THSD7A: variants seen among roughly 807,000 people sequenced by gnomAD.
THSD7A encodes the protein thrombospondin type 1 domain containing 7A, also known as thrombospondin type-1 domain-containing protein 7A.
In THSD7A, 96 loss-of-function variants were observed where a neutral mutation model predicts 231.3. That is an observed-to-expected ratio of 0.41 (90% CI 0.35 to 0.49). THSD7A has a LOEUF of 0.49. Ranked by LOEUF, THSD7A falls within the 20% of genes least tolerant of loss-of-function variation. The pLI is 0.05. For synonymous variants in THSD7A, 940 were observed against 743.3 expected (o/e 1.26, Z -4.30); for missense variants, 2,290 against 2,070.2 (o/e 1.11, Z -2.06).
Position 11,417,601 on chromosome 7 carries a change from C to T in THSD7A, c.3386G>A (p.Cys1129Tyr), listed in dbSNP as rs1784005005. ...GEGVQTRKVR[C>Y]MQNTADGPSE... Reference sequence around the variant, plus strand: ...AGGGCCATCTGCTGTATTCTGCATGCATCTAGAAAAGAACATAAACATATT... The same window carrying T: ...AGGGCCATCTGCTGTATTCTGCATGTATCTAGAAAAGAACATAAACATATT... Residue 1129 changes from cysteine to tyrosine, a missense_variant and splice_region_variant, in exon 17 of 28, where the codon TGC (cysteine) becomes TAC (tyrosine). Transcript: ENST00000423059. 6.3e-7 allele frequency: 1 copy of T among 1,595,920 alleles called. No individual in the cohort carries two copies. The highest frequency in any genetic ancestry group is 8.5e-7 in the Non-Finnish European group (1 of 1,175,416).
chr7:11,721,029 T>C (rs142626666), intron 1 of THSD7A, among the ~76,000 whole-genome samples: 142 of 151,998 alleles, frequency 9.3e-4, no homozygotes, highest in African/African-American at 3.2e-3. Flanking sequence ...CATTTGTTTA[T>C]TAATTACACA....
intron 4 of THSD7A, among the ~76,000 whole-genome samples, chr7:11,561,532 C>T (rs1790075591): frequency 6.6e-6 from 1 of 152,134 alleles, no homozygotes; most frequent in Non-Finnish European, 1.5e-5. Flanking sequence ...TTAGTCCTCA[C>T]AGAAATCTCA....
chr7:11,426,096 AG>A (rs1388140589), intron 15 of THSD7A, among the ~76,000 whole-genome samples: 4 of 151,686 alleles, frequency 2.6e-5, no homozygotes, highest in Non-Finnish European at 5.9e-5. Flanking sequence ...GCACTGTTGG[AG>A]TCAAATTCTG....
intron 1 of THSD7A, among the ~76,000 whole-genome samples, chr7:11,678,647 G>C (rs1018715304): frequency 6.6e-6 from 1 of 152,084 alleles, no homozygotes; most frequent in African/African-American, 2.4e-5. Flanking sequence ...ACTAAACCAG[G>C]AAGAAGTTGA....
At chr7:11,475,131 G>A (rs1476980403) in intron 7 of THSD7A, among the ~76,000 whole-genome samples, 1 of 151,976 alleles carries the variant, frequency 6.6e-6, no homozygotes, top group Non-Finnish European at 1.5e-5. Context: ...AAAGTAATTG[G>A]CAACAAGAAT....
chr7:11,655,649 A>G (rs191301426), intron 1 of THSD7A, among the ~76,000 whole-genome samples: 121 of 152,038 alleles, frequency 8.0e-4, no homozygotes, highest in Non-Finnish European at 1.5e-3. Flanking sequence ...GTAGACAAAC[A>G]GTAAATACAT....
chr7:11,538,126 A>G (rs1044397748), intron 6 of THSD7A, among the ~76,000 whole-genome samples: 12 of 152,208 alleles, frequency 7.9e-5, no homozygotes, highest in African/African-American at 2.9e-4. Flanking sequence ...TGAGTTGCCT[A>G]TGCCCATGTC....
intron 1 of THSD7A, among the ~76,000 whole-genome samples, chr7:11,721,705 C>T (rs1038657479): frequency 6.6e-6 from 1 of 151,860 alleles, no homozygotes; most frequent in African/African-American, 2.4e-5. Flanking sequence ...ATTCATTCAT[C>T]CTTGCCTCTC....
At chr7:11,824,946 T>C (rs772878167) in intron 1 of THSD7A, among the ~76,000 whole-genome samples, 1 of 152,162 alleles carries the variant, frequency 6.6e-6, no homozygotes, top group Non-Finnish European at 1.5e-5. Flanking sequence ...ATTTACATAA[T>C]TAACCCTAAA....
At chr7:11,657,363 A>G (rs558088512) in intron 1 of THSD7A, among the ~76,000 whole-genome samples, 4 of 151,946 alleles carry the variant, frequency 2.6e-5, no homozygotes, top group African/African-American at 9.6e-5. Context: ...GGAAGGATAT[A>G]AACAAAAACA....
At chr7:11,683,190 C>G (rs935855092) in intron 1 of THSD7A, among the ~76,000 whole-genome samples, 7 of 150,388 alleles carry the variant, frequency 4.7e-5, no homozygotes, top group Admixed American at 2.0e-4. Context: ...GAATAGAAAT[C>G]AATATCATCA....
intron 1 of THSD7A, among the ~76,000 whole-genome samples, chr7:11,825,504 G>A (rs1784999378): frequency 6.6e-6 from 1 of 152,092 alleles, no homozygotes; most frequent in Non-Finnish European, 1.5e-5. Flanking sequence ...ATGCTTAAGA[G>A]AAGGCTAATG....
intron 1 of THSD7A, among the ~76,000 whole-genome samples, chr7:11,800,727 G>A (rs557473757): frequency 1.3e-5 from 2 of 152,140 alleles, no homozygotes; most frequent in Non-Finnish European, 2.9e-5. Flanking sequence ...GGGGCTGAGG[G>A]GAGAGGGAAA....
chr7:11,610,706 A>G (rs775272101), intron 2 of THSD7A, among the ~76,000 whole-genome samples: 39 of 152,176 alleles, frequency 2.6e-4, no homozygotes, highest in Admixed American at 7.2e-4. Context: ...AGAAACAAAG[A>G]AACTCAGAAA....
At chr7:11,628,069 AT>A (rs1028015569) in intron 2 of THSD7A, among the ~76,000 whole-genome samples, 4 of 152,128 alleles carry the variant, frequency 2.6e-5, no homozygotes, top group African/African-American at 7.2e-5. Flanking sequence ...AGTTTTAATT[AT>A]TGTGATTTTA....
chr7:11,418,536 A>G (rs1248608432), intron 16 of THSD7A, among the ~76,000 whole-genome samples: 1 of 152,236 alleles, frequency 6.6e-6, no homozygotes, highest in African/African-American at 2.4e-5. Flanking sequence ...GGAGTTGAAA[A>G]GGAAGGCTTG....
intron 1 of THSD7A, among the ~76,000 whole-genome samples, chr7:11,793,718 A>C (rs750836373): frequency 4.0e-5 from 6 of 151,878 alleles, no homozygotes; most frequent in Non-Finnish European, 8.8e-5. Context: ...AGAATCCCCA[A>C]ATATAAAAAT....
chr7:11,476,967 C>T (rs529409697), intron 7 of THSD7A, among the ~76,000 whole-genome samples: 29 of 151,962 alleles, frequency 1.9e-4, no homozygotes, highest in Non-Finnish European at 3.1e-4. Context: ...AAAGATGAAA[C>T]GATGTCCATC....
intron 1 of THSD7A, among the ~76,000 whole-genome samples, chr7:11,702,045 G>A (rs62433388): frequency 9.5e-4 from 143 of 151,286 alleles, no homozygotes; most frequent in Non-Finnish European, 1.6e-3. Flanking sequence ...GTCTGTTTCC[G>A]GTGTCTTAGT....
Sources: allele counts gnomAD v4.1 joint callset (sites outside exome capture counted in the v4.1 genomes callset), GRCh38; gene constraint gnomAD v4.1.1; transcripts MANE v1.5; gene names NCBI Gene and HGNC (gene_info 2026-07-23, HGNC 2026-07-21).